SYT16: variants seen among roughly 807,000 people sequenced by gnomAD.
SYT16 encodes synaptotagmin-16.
Under a neutral mutation model 61.4 loss-of-function variants are expected in SYT16, and 42 were observed. That is an observed-to-expected ratio of 0.68 (90% confidence interval 0.53 to 0.89). SYT16 has a LOEUF of 0.89. SYT16 is among the 40% of genes least tolerant of loss of function. SYT16 has a pLI of 0.00. For synonymous variants in SYT16, 314 were observed against 302.3 expected, an observed-to-expected ratio of 1.04 and a Z score of -0.40; for missense variants, 804 against 807.3, an observed-to-expected ratio of 1.00 and a Z score of 0.05.
chr14:61,834,386 T>C (rs2046055073), intron 1 of SYT16, among the ~76,000 whole-genome samples: 1 of 149,500 alleles, frequency 6.7e-6, no homozygotes, highest in Admixed American at 6.7e-5. Flanking sequence ...TGCCTTGGCC[T>C]CTCAAAGTGC....
intron 3 of SYT16, among the ~76,000 whole-genome samples, chr14:62,063,915 A>G (rs563316973): frequency 6.6e-6 from 1 of 152,326 alleles, no homozygotes; most frequent in East Asian, 1.9e-4. Flanking sequence ...CGGGAGAGTC[A>G]GCTTTCTCTT....
intron 7 of SYT16, among the ~76,000 whole-genome samples, chr14:62,086,057 C>T (rs1392354143): frequency 6.6e-6 from 1 of 152,120 alleles, no homozygotes; most frequent in African/African-American, 2.4e-5. Flanking sequence ...TGCTGGGAAG[C>T]TTTATTTGGT....
chr14:62,090,905 G>A (rs1011607537), intron 7 of SYT16, among the ~76,000 whole-genome samples: 2 of 152,030 alleles, frequency 1.3e-5, no homozygotes, highest in African/African-American at 2.4e-5. Context: ...ACTTGTGCAG[G>A]GAACCTCCTC....
At chr14:62,075,519 A>T (rs1359413950) in intron 5 of SYT16, 128 bp downstream of exon 5, 5 of 1,160,150 alleles carry the variant, frequency 4.3e-6, no homozygotes, top group Non-Finnish European at 5.7e-6. Context: ...TCTGCAATAA[A>T]TTTTTGTCCA....
chr14:62,010,749 A>G (rs746146911), intron 3 of SYT16, among the ~76,000 whole-genome samples: 3 of 152,052 alleles, frequency 2.0e-5, no homozygotes, highest in Non-Finnish European at 4.4e-5. Flanking sequence ...GGTGGGGGTG[A>G]GGATAAACAA....
chr14:61,852,929 T>C (rs1470234534), intron 1 of SYT16, among the ~76,000 whole-genome samples: 1 of 152,192 alleles, frequency 6.6e-6, no homozygotes, highest in Non-Finnish European at 1.5e-5. Context: ...AGTTTGACTT[T>C]TTGTTTTGAG....
At chr14:62,064,853 G>C (rs1389864890) in intron 3 of SYT16, among the ~76,000 whole-genome samples, 1 of 152,146 alleles carries the variant, frequency 6.6e-6, no homozygotes, top group Non-Finnish European at 1.5e-5. Context: ...ACAATGCCTG[G>C]CATGTGATAA....
intron 3 of SYT16, among the ~76,000 whole-genome samples, chr14:62,066,692 T>G (rs2056074946): frequency 6.6e-6 from 1 of 152,230 alleles, no homozygotes; most frequent in Non-Finnish European, 1.5e-5. Flanking sequence ...CTTTGGGATA[T>G]AAAATGATGA....
intron 1 of SYT16, among the ~76,000 whole-genome samples, chr14:61,873,614 G>C (rs1284242191): frequency 3.3e-5 from 5 of 152,198 alleles, no homozygotes; most frequent in Admixed American, 1.3e-4. Context: ...TTTCTCACAT[G>C]AGTAGGGGAG....
At chr14:61,961,178 C>A (rs1306804426) in intron 1 of SYT16, among the ~76,000 whole-genome samples, 1 of 152,034 alleles carries the variant, frequency 6.6e-6, no homozygotes, top group Non-Finnish European at 1.5e-5. Context: ...GGAAGGTAAC[C>A]TAGGAAATAC....
chr14:62,039,854 C>CACACACACAA (rs1250150239), intron 3 of SYT16, among the ~76,000 whole-genome samples: 5 of 134,124 alleles, frequency 3.7e-5, no homozygotes, highest in Non-Finnish European at 6.7e-5. Flanking sequence ...CACACACACA[C>CACACACACAA]ACACACACAC....
intron 1 of SYT16, among the ~76,000 whole-genome samples, chr14:61,882,402 G>A (rs2140321107): frequency 6.6e-6 from 1 of 152,292 alleles, no homozygotes; most frequent in South Asian, 2.1e-4. Context: ...ATGAATGCAA[G>A]CAGGAGAAAT....
chr14:61,906,945 T>A (rs1214690329), intron 1 of SYT16, among the ~76,000 whole-genome samples: 3 of 152,236 alleles, frequency 2.0e-5, no homozygotes, highest in Admixed American at 6.5e-5. Flanking sequence ...TTCTAAAAAT[T>A]AGAAATCATC....
Position 61,829,548 on chromosome 14 carries a change from A to T in SYT16, c.-325+16738A>T, listed in dbSNP as rs1455462961. 2.6e-5 allele frequency among the ~76,000 whole-genome samples: 4 copies of T among 151,134 alleles called. No homozygotes were observed. In the East Asian group the frequency reaches 7.8e-4, roughly 29 times the overall value. ...GAGATTCTGATAACACAAATATTAGATTTTTTTTTGGTTATTGTCCCACAG... is the reference window on the plus strand; with the variant it reads ...GAGATTCTGATAACACAAATATTAGTTTTTTTTTTGGTTATTGTCCCACAG... On this transcript the variant is annotated intron_variant, in intron 1 of 7. Transcript: ENST00000683842.
intron 3 of SYT16, among the ~76,000 whole-genome samples, chr14:62,013,680 A>G (rs143768558): frequency 6.6e-6 from 1 of 152,294 alleles, no homozygotes; most frequent in African/African-American, 2.4e-5. Flanking sequence ...ATTGTTGACT[A>G]TTCGGCCAAG....
intron 5 of SYT16, among the ~76,000 whole-genome samples, chr14:62,078,172 A>AACACACACACACACACACACACACACAC (rs144022896): frequency 1.6e-4 from 20 of 128,852 alleles, no homozygotes; most frequent in Middle Eastern, 4.0e-3. Flanking sequence ...TATATATATA[A>AACACACACACACACACACACACACACAC]ACACACACAC....
At chr14:62,036,494 A>G (rs2054512691) in intron 3 of SYT16, among the ~76,000 whole-genome samples, 1 of 152,142 alleles carries the variant, frequency 6.6e-6, no homozygotes, top group Non-Finnish European at 1.5e-5. Flanking sequence ...GAGACAGCAT[A>G]TGGACTCAGT....
At chr14:61,977,692 A>G (rs570941431) in intron 2 of SYT16, among the ~76,000 whole-genome samples, 2 of 152,212 alleles carry the variant, frequency 1.3e-5, no homozygotes, top group East Asian at 1.9e-4. Context: ...TGTTACCATT[A>G]TCACCCCATT....
In SYT16 at chr14:62,100,430, G is replaced by T. The variant is rs1484478908; in HGVS notation, c.1661G>T (p.Gly554Val). 1 of 1,612,530 alleles carries T rather than the reference G, an allele frequency of 6.2e-7. No individual in the cohort carries two copies. Among genetic ancestry groups the T allele is most frequent in the Non-Finnish European group, 8.5e-7 (1 of 1,179,292 alleles). ...AAACTCTTTCTCCTCAATTCTGTGG[G>T]TCAAGAGATGTCCCGTTGCAAGACG... ...YGKLFLLNSVGQEMSRCKTSI... is the reference protein window; with the variant it reads ...YGKLFLLNSVVQEMSRCKTSI... The change falls in exon 8 of 8, where the codon GGT (glycine) becomes GTT (valine). Residue 554 changes from glycine to valine, a missense_variant. By Grantham distance (109) the Gly-to-Val change is moderately radical. Transcript: ENST00000683842.
Sources: gnomAD v4.1 joint callset for allele counts (sites outside exome capture counted in the v4.1 genomes callset) on GRCh38, gnomAD v4.1.1 for gene constraint, MANE v1.5 for transcripts, NCBI Gene and HGNC (gene_info 2026-07-23, HGNC 2026-07-21) for gene names.